The following DENND1A variants were observed in gnomAD, a reference collection of about 807,000 sequenced individuals.
DENND1A encodes DENN domain containing 1A.
Under a neutral mutation model 113.7 loss-of-function variants are expected in DENND1A, and 51 were observed. That is an observed-to-expected ratio of 0.45 (90% CI 0.36 to 0.57). DENND1A has a LOEUF of 0.57. DENND1A is among the 20% of genes least tolerant of loss of function. The probability of loss-of-function intolerance (pLI) is 0.00; values close to 1 mark genes in which losing one functional copy is unlikely to be tolerated. For missense variants in DENND1A, 1,258 were observed against 1,395.9 expected (o/e 0.90, Z 1.57); for synonymous variants, 565 against 570.8 (o/e 0.99, Z 0.14).
intron 10 of DENND1A, among the ~76,000 whole-genome samples, chr9:123,624,426 T>C (rs569027061): frequency 6.6e-6 from 1 of 152,354 alleles, no homozygotes; most frequent in Admixed American, 6.5e-5. Context: ...AACCCTTCAT[T>C]ATGGAAGCTG....
At chr9:123,800,853 A>T (rs1216049233) in intron 2 of DENND1A, among the ~76,000 whole-genome samples, 1 of 152,232 alleles carries the variant, frequency 6.6e-6, no homozygotes, top group Non-Finnish European at 1.5e-5. Context: ...ATGAAAAAAA[A>T]TTGCTAAACA....
At position 123,792,582 on chromosome 9, in the gene DENND1A, C is replaced by T. The variant is rs1833151247; in HGVS notation, c.132+5G>A. ...CATGTAAAAAATTAATTACGCATTC[C>T]GAACCTGGTCACTGTAGTCCTCCGG... On this transcript the variant is annotated splice_donor_5th_base_variant and intron_variant, in intron 3 of 23. Transcript: ENST00000394215. 2 of 1,611,456 alleles carry T rather than the reference C, an allele frequency of 1.2e-6. No homozygotes were observed. Among genetic ancestry groups the T allele is most frequent in the South Asian group, 1.1e-5 (1 of 90,366 alleles).
intron 5 of DENND1A, among the ~76,000 whole-genome samples, chr9:123,697,412 A>T (rs2065589196): frequency 6.6e-6 from 1 of 152,148 alleles, no homozygotes; most frequent in Middle Eastern, 3.2e-3. Flanking sequence ...TCCATAAGTT[A>T]TTGGGGTACA....
chr9:123,413,953 C>A, intron 19 of DENND1A: 1 of 988,232 alleles, frequency 1.0e-6, no homozygotes, highest in East Asian at 1.1e-4. Flanking sequence ...CTACACCACT[C>A]CCCACAATAC....
At chr9:123,904,269 A>C (rs1298277884) in intron 1 of DENND1A, among the ~76,000 whole-genome samples, 1 of 151,986 alleles carries the variant, frequency 6.6e-6, no homozygotes, top group Non-Finnish European at 1.5e-5. Flanking sequence ...AGATGGGGAA[A>C]AAACAGAACA....
At position 123,557,698 on chromosome 9, in the gene DENND1A, G is replaced by A. The variant is rs764703684; in HGVS notation, c.868-3C>T. 2 of 1,613,540 alleles carry A rather than the reference G, an allele frequency of 1.2e-6. No individual in the cohort carries two copies. Among genetic ancestry groups the A allele is most frequent in the South Asian group, 1.1e-5 (1 of 90,910 alleles). ...AGCCTGTTCTTCAGGGAAGAGATCT[G>A]GTGATGGAGAGAAGGAAAACACAGG... On this transcript the variant is annotated splice_region_variant and splice_polypyrimidine_tract_variant and intron_variant, in intron 12 of 23. Coordinates refer to ENST00000394215, the MANE Select transcript of DENND1A (RefSeq NM_001352964.2).
chr9:123,883,899 T>C (rs1174218274), intron 1 of DENND1A, among the ~76,000 whole-genome samples: 1 of 150,126 alleles, frequency 6.7e-6, no homozygotes, highest in Non-Finnish European at 1.5e-5. Context: ...GCTAAAATGC[T>C]AAGAACAAAT....
intron 12 of DENND1A, among the ~76,000 whole-genome samples, chr9:123,578,842 T>G (rs1226889479): frequency 6.6e-6 from 1 of 151,002 alleles, no homozygotes; most frequent in Non-Finnish European, 1.5e-5. Context: ...CAGTGTGTGT[T>G]TGTGTGTGTG....
chr9:123,750,506 T>C (rs776170121), intron 5 of DENND1A, among the ~76,000 whole-genome samples: 3 of 152,226 alleles, frequency 2.0e-5, no homozygotes, highest in Non-Finnish European at 4.4e-5. Context: ...CCATCCTCTA[T>C]GTTCAGCTTC....
intron 1 of DENND1A, among the ~76,000 whole-genome samples, chr9:123,920,563 T>A (rs1856052700): frequency 6.6e-6 from 1 of 152,040 alleles, no homozygotes; most frequent in Non-Finnish European, 1.5e-5. Flanking sequence ...GAACATTAAG[T>A]GGTTTTTTTA....
intron 2 of DENND1A, among the ~76,000 whole-genome samples, chr9:123,852,194 T>C (rs1843485251): frequency 6.6e-6 from 1 of 152,162 alleles, no homozygotes; most frequent in Admixed American, 6.5e-5. Context: ...GTTTACAAAT[T>C]GAGAGGGCCT....
intron 19 of DENND1A, among the ~76,000 whole-genome samples, chr9:123,433,074 C>A (rs574810722): frequency 2.0e-3 from 299 of 152,338 alleles, no homozygotes; most frequent in African/African-American, 7.0e-3. Flanking sequence ...TCCACTCTTG[C>A]ACATTGGGGA....
chr9:123,449,631 ACTGT>A (rs2047561056), intron 18 of DENND1A, among the ~76,000 whole-genome samples: 1 of 152,094 alleles, frequency 6.6e-6, no homozygotes, highest in African/African-American at 2.4e-5. Flanking sequence ...CAGTAACCTC[ACTGT>A]CTAAGTCCAG....
chr9:123,568,268 G>T (rs1224305244), intron 12 of DENND1A, among the ~76,000 whole-genome samples: 1 of 152,204 alleles, frequency 6.6e-6, no homozygotes, highest in Non-Finnish European at 1.5e-5. Context: ...TTATCTGGAT[G>T]CCTCTAGGCA....
intron 11 of DENND1A, among the ~76,000 whole-genome samples, chr9:123,597,922 G>A (rs2137266460): frequency 6.6e-6 from 1 of 152,266 alleles, no homozygotes; most frequent in East Asian, 1.9e-4. Context: ...GTATCAGCCT[G>A]GCTGCCAGAG....
chr9:123,512,255 G>A (rs1021519930), intron 13 of DENND1A, among the ~76,000 whole-genome samples: 12 of 152,226 alleles, frequency 7.9e-5, no homozygotes, highest in Non-Finnish European at 1.8e-4. Context: ...GAGATATGAA[G>A]AGGCCGGGGA....
At chr9:123,727,590 A>G (rs896242604) in intron 5 of DENND1A, among the ~76,000 whole-genome samples, 1 of 152,188 alleles carries the variant, frequency 6.6e-6, no homozygotes, top group Non-Finnish European at 1.5e-5. Flanking sequence ...TCAAGAAACA[A>G]TCTTTTACTT....
At chr9:123,674,869 T>A (rs1254344414) in intron 6 of DENND1A, among the ~76,000 whole-genome samples, 1 of 148,232 alleles carries the variant, frequency 6.7e-6, no homozygotes, top group Non-Finnish European at 1.5e-5. Context: ...GACTGGAACA[T>A]ATGGAGGGAA....
At chr9:123,619,196 C>G (rs566941272) in intron 10 of DENND1A, among the ~76,000 whole-genome samples, 35 of 152,358 alleles carry the variant, frequency 2.3e-4, no homozygotes, top group African/African-American at 8.2e-4. Flanking sequence ...ATCCACCCAC[C>G]TGGGCCTCCC....
Sources: allele counts gnomAD v4.1 joint callset (sites outside exome capture counted in the v4.1 genomes callset), GRCh38; gene constraint gnomAD v4.1.1; transcripts MANE v1.5; gene names NCBI Gene and HGNC (gene_info 2026-07-23, HGNC 2026-07-21).